RNF38: variants seen among roughly 807,000 people sequenced by gnomAD.
The protein encoded by RNF38 is E3 ubiquitin-protein ligase RNF38.
A neutral mutation model predicts 67.2 loss-of-function variants in RNF38; 15 were observed. That is an observed-to-expected ratio of 0.22 (90% confidence interval 0.15 to 0.34). The LOEUF is 0.34. RNF38 is among the 10% of genes least tolerant of loss of function. RNF38 has a pLI of 1.00. For missense variants in RNF38, 524 were observed against 639.9 expected (o/e 0.82, Z 1.95); for synonymous variants, 220 against 218.8 (o/e 1.01, Z -0.05).
At chr9:36,431,950 C>A (rs1300902463) in intron 1 of RNF38, among the ~76,000 whole-genome samples, 3 of 152,152 alleles carry the variant, frequency 2.0e-5, no homozygotes, top group Non-Finnish European at 2.9e-5. Context: ...ACGCTTCTCT[C>A]ACCCCAATCA....
At chr9:36,398,147 G>A (rs1325865797) in intron 1 of RNF38, among the ~76,000 whole-genome samples, 1 of 152,156 alleles carries the variant, frequency 6.6e-6, no homozygotes, top group Non-Finnish European at 1.5e-5. Flanking sequence ...ATGGGAAAAA[G>A]AAACAGTCCT....
At chr9:36,397,964 CCTCTCT>C (rs1018969283) in intron 1 of RNF38, among the ~76,000 whole-genome samples, 5 of 152,066 alleles carry the variant, frequency 3.3e-5, no homozygotes, top group African/African-American at 9.7e-5. Context: ...TCTCCCTCTC[CCTCTCT>C]CCAAACACAC....
intron 1 of RNF38, among the ~76,000 whole-genome samples, chr9:36,396,202 C>T (rs1837497916): frequency 6.6e-6 from 1 of 152,208 alleles, no homozygotes; most frequent in African/African-American, 2.4e-5. Flanking sequence ...AATGATGTAA[C>T]AGCCTGCCTT....
chr9:36,357,925 G>C lies in RNF38; in HGVS notation c.588C>G (p.Val196=). ...CTGTTGTTACTGTGTAAGAAACAGG[G>C]ACTGTTCCTTGATGGAGCTTTAAAG... ...DIHDQLHQGT[V]PVSYTVTTVA... The change falls in exon 5 of 12, where the codon GTC becomes GTG. Residue 196 remains valine, a synonymous_variant. Coordinates refer to ENST00000259605, the MANE Select transcript of RNF38 (RefSeq NM_022781.5). The C allele has an allele frequency of 6.2e-7, 1 of 1,613,520 alleles. No homozygotes were observed. The highest frequency in any genetic ancestry group is 8.5e-7 in the Non-Finnish European group (1 of 1,179,674).
In RNF38 at chr9:36,424,661, C is replaced by G. The variant is rs137975026; in HGVS notation, n.264G>C. The stretch of plus-strand genomic sequence containing the variant: ...TGTGGTCGTGATGGATGGACTGGCA[C>G]TGAAAAGAAGCACCAACACTACCTA... On this transcript the variant is annotated non_coding_transcript_exon_variant, in exon 2 of 4. Coordinates refer to the RNF38 transcript ENST00000488058. 1.7e-4 allele frequency: 166 copies of G among 985,760 alleles called. No homozygotes were observed. In the South Asian group the frequency reaches 4.7e-3, roughly 28 times the overall value. The allele number at this position is 985,760 out of a possible 1,614,324, so 61.1% of individuals were successfully genotyped here. A position where few individuals can be genotyped will look rare whatever the true frequency, so the allele number is the denominator to read the frequency against.
intron 1 of RNF38, among the ~76,000 whole-genome samples, chr9:36,459,985 C>T (rs1839689049): frequency 6.6e-6 from 1 of 151,926 alleles, no homozygotes; most frequent in South Asian, 2.1e-4. Flanking sequence ...TAACTTAATG[C>T]AAACGAATGT....
At chr9:36,478,027 G>C (rs1840161001) in intron 1 of RNF38, among the ~76,000 whole-genome samples, 1 of 85,212 alleles carries the variant, frequency 1.2e-5, no homozygotes, top group Admixed American at 1.1e-4. Flanking sequence ...ACAGAAAACA[G>C]CAGTTTGAGA....
At chr9:36,470,237 C>T (rs1480813660) in intron 1 of RNF38, among the ~76,000 whole-genome samples, 1 of 152,164 alleles carries the variant, frequency 6.6e-6, no homozygotes, top group African/African-American at 2.4e-5. Flanking sequence ...GTACTCAAAA[C>T]TTTCTTCACC....
At chr9:36,409,288 AAAG>A (rs542267416) in intron 2 of RNF38, among the ~76,000 whole-genome samples, 88 of 151,714 alleles carry the variant, frequency 5.8e-4, no homozygotes, top group Admixed American at 1.2e-3. Flanking sequence ...GAAAGAAAGA[AAAG>A]AAAGAGAGAG....
At chr9:36,380,797 C>T (rs1308041758) in intron 2 of RNF38, among the ~76,000 whole-genome samples, 1 of 152,150 alleles carries the variant, frequency 6.6e-6, no homozygotes, top group African/African-American at 2.4e-5. Context: ...GCCTGGCTAA[C>T]AAACATGCTT....
At chr9:36,383,628 C>A (rs1055780659) in intron 2 of RNF38, among the ~76,000 whole-genome samples, 1 of 152,196 alleles carries the variant, frequency 6.6e-6, no homozygotes, top group African/African-American at 2.4e-5. Context: ...CCTCAGATCA[C>A]AATTTTGCAA....
rs1334601229 is a variant in RNF38, at chr9:36,486,494, G to A, written n.241+814C>T. Among the ~76,000 whole-genome samples the A allele has an allele frequency of 2.6e-5, 4 of 152,222 alleles. No individual in the cohort carries two copies. The East Asian group carries it at 7.7e-4, about 29-fold the overall frequency. On this transcript the variant is annotated intron_variant and non_coding_transcript_variant, in intron 1 of 3. Transcript: ENST00000488058. Reference sequence around the variant, plus strand: ...TACCAAGGCCATGTATGCATTTCTGGTTTCGGCATGAACGAAATTCGGGCC... The same window carrying A: ...TACCAAGGCCATGTATGCATTTCTGATTTCGGCATGAACGAAATTCGGGCC...
intron 1 of RNF38, chr9:36,487,268 C>G (rs1460043101): frequency 1.0e-6 from 1 of 983,008 alleles, no homozygotes; most frequent in African/African-American, 1.8e-5. Context: ...CGGGACCGAC[C>G]CACGCCCCTC....
At chr9:36,433,597 G>A (rs913626750) in intron 1 of RNF38, among the ~76,000 whole-genome samples, 1 of 150,432 alleles carries the variant, frequency 6.6e-6, no homozygotes, top group Admixed American at 6.7e-5. Context: ...TGAGGCGGGA[G>A]AACTGGTTGA....
upstream of RNF38, among the ~76,000 whole-genome samples, chr9:36,403,699 A>C (rs1239464856): frequency 2.0e-5 from 3 of 152,224 alleles, no homozygotes; most frequent in Admixed American, 6.5e-5. Context: ...TTATTCAATG[A>C]GATTGTTTAC....
upstream of RNF38, chr9:36,487,594 T>TCGGCTCCGGCTG: frequency 5.8e-5 from 57 of 979,326 alleles, no homozygotes; most frequent in Non-Finnish European, 6.3e-5. Context: ...CGGCTGCGAC[T>TCGGCTCCGGCTG]CGACTCCGGC....
intron 1 of RNF38, among the ~76,000 whole-genome samples, chr9:36,397,063 GTA>G (rs1357780331): frequency 2.6e-5 from 3 of 114,512 alleles, no homozygotes; most frequent in Non-Finnish European, 5.7e-5. Context: ...GTATATATAC[GTA>G]TATATATGTG....
At chr9:36,383,619 C>T (rs930644309) in intron 2 of RNF38, among the ~76,000 whole-genome samples, 3 of 152,108 alleles carry the variant, frequency 2.0e-5, no homozygotes, top group African/African-American at 7.2e-5. Flanking sequence ...TCTTATACTC[C>T]TCAGATCACA....
intron 1 of RNF38, among the ~76,000 whole-genome samples, chr9:36,454,757 T>A (rs1389827293): frequency 6.6e-6 from 1 of 151,466 alleles, no homozygotes; most frequent in East Asian, 2.0e-4. Flanking sequence ...TAATTTTCTA[T>A]ATTTTTAGTA....
Sources: gnomAD v4.1 joint callset for allele counts (sites outside exome capture counted in the v4.1 genomes callset) on GRCh38, gnomAD v4.1.1 for gene constraint, MANE v1.5 for transcripts, NCBI Gene and HGNC (gene_info 2026-07-23, HGNC 2026-07-21) for gene names.